The following PKHD1 variants were observed in gnomAD, a reference collection of about 807,000 sequenced individuals.
The protein encoded by PKHD1 is fibrocystin.
A neutral mutation model predicts 412.0 loss-of-function variants in PKHD1; 291 were observed. The ratio of observed to expected loss-of-function variants is 0.71; its 90% confidence interval spans 0.64 to 0.78. The LOEUF is 0.78. Among genes scored for constraint, PKHD1 ranks in the 30% least tolerant of loss-of-function variants. PKHD1 has a pLI of 0.00. For missense variants in PKHD1, 4,825 were observed against 4,950.7 expected (o/e 0.97, Z 0.76); for synonymous variants, 1,777 against 1,821.5 (o/e 0.98, Z 0.62).
intron 60 of PKHD1, among the ~76,000 whole-genome samples, chr6:51,723,799 C>G (rs1582289565): frequency 6.6e-6 from 1 of 151,982 alleles, no homozygotes; most frequent in Non-Finnish European, 1.5e-5. Flanking sequence ...GAGAGAAAGA[C>G]AGAGAGAGAG....
chr6:52,050,245 A>T lies in PKHD1; in HGVS notation c.2191T>A (p.Ser731Thr), dbSNP rs1438237194. 1.8e-5 allele frequency: 29 copies of T among 1,614,212 alleles called. No individual in the cohort carries two copies. The highest frequency in any genetic ancestry group is 2.4e-5 in the Non-Finnish European group (28 of 1,180,012). Reference protein sequence around the residue: ...TARPGGNLVESVSVVGSPPVY... With the variant: ...TARPGGNLVETVSVVGSPPVY... ...GGAGGGGATCCCACCACAGAGACTG[A>T]TTCCACCAGATTGCCCCCTGGGCGA... The change falls in exon 22 of 67, where the codon TCA becomes ACA. Residue 731 changes from serine to threonine, a missense_variant. By Grantham distance (58) the Ser-to-Thr change is moderately conservative. Coordinates refer to ENST00000371117, the MANE Select transcript of PKHD1 (RefSeq NM_138694.4).
intron 61 of PKHD1, among the ~76,000 whole-genome samples, chr6:51,656,397 GC>G (rs1237995269): frequency 6.6e-6 from 1 of 152,024 alleles, no homozygotes; most frequent in Non-Finnish European, 1.5e-5. Flanking sequence ...CGCATGTGGG[GC>G]TGAAAACCTA....
chr6:51,729,924 T>C (rs1227397598), intron 60 of PKHD1, among the ~76,000 whole-genome samples: 1 of 152,186 alleles, frequency 6.6e-6, no homozygotes, highest in African/African-American at 2.4e-5. Flanking sequence ...TGCTTACAAT[T>C]GCACATCTGG....
At chr6:51,650,311 C>T (rs1770732942) in intron 61 of PKHD1, among the ~76,000 whole-genome samples, 1 of 152,092 alleles carries the variant, frequency 6.6e-6, no homozygotes, top group Non-Finnish European at 1.5e-5. Flanking sequence ...TTGTGAATTA[C>T]ATATCATAGG....
chr6:51,746,146 A>G (rs1046792692), intron 59 of PKHD1, among the ~76,000 whole-genome samples: 1 of 152,172 alleles, frequency 6.6e-6, no homozygotes, highest in African/African-American at 2.4e-5. Context: ...AAACTCTTAG[A>G]TCATATGTCA....
intron 60 of PKHD1, among the ~76,000 whole-genome samples, chr6:51,682,473 A>T (rs1034881494): frequency 7.9e-5 from 12 of 152,100 alleles, no homozygotes; most frequent in Middle Eastern, 3.2e-3. Context: ...TAATTAGGTA[A>T]AAATATTTTC....
chr6:52,005,740 T>G (rs552109224), intron 35 of PKHD1, among the ~76,000 whole-genome samples: 15 of 152,090 alleles, frequency 9.9e-5, no homozygotes, highest in African/African-American at 3.4e-4. Context: ...CAGGCAAAGT[T>G]TAGGTAACAG....
At chr6:52,071,210 C>T in intron 8 of PKHD1, 140 bp from the exon 9 acceptor site, 1 of 708,250 alleles carries the variant, frequency 1.4e-6, no homozygotes, top group Non-Finnish European at 2.6e-6. Flanking sequence ...ATAATGAGTT[C>T]ATTAGGGCAA....
intron 35 of PKHD1, among the ~76,000 whole-genome samples, chr6:51,989,368 A>T (rs192319470): frequency 1.7e-3 from 266 of 152,342 alleles, no homozygotes; most frequent in Middle Eastern, 6.8e-3. Flanking sequence ...ATGAAATACA[A>T]TTCTGTTGGT....
rs2127947517 is a variant in PKHD1, at chr6:51,960,009, C to T, written c.5769G>A (p.Gln1923=). Residue 1923 remains glutamine, a synonymous_variant, in exon 36 of 67, where the codon CAG becomes CAA. Transcript: ENST00000371117. Reference sequence around the variant, plus strand: ...GAGTCCTGGACCATCTCCGGCAGAACTGTAAAGAAAAGTTGCCCTGGAAAA... The same window carrying T: ...GAGTCCTGGACCATCTCCGGCAGAATTGTAAAGAAAAGTTGCCCTGGAAAA... ...GQNTQGNFSL[Q]FCRRWSRTHS... is the part of the protein sequence containing the mutation. 1 of 1,613,358 alleles carries T rather than the reference C, an allele frequency of 6.2e-7. No homozygotes were observed.
chr6:51,760,813 T>A (rs1481473302), intron 55 of PKHD1, among the ~76,000 whole-genome samples: 1 of 152,104 alleles, frequency 6.6e-6, no homozygotes, highest in African/African-American at 2.4e-5. Context: ...AAGGATGAGG[T>A]AACAAATGAC....
At chr6:51,622,251 A>G (rs1029675711) in intron 66 of PKHD1, 1 of 152,210 alleles carries the variant, frequency 6.6e-6, no homozygotes, top group African/African-American at 2.4e-5. Flanking sequence ...GACTTTTAAA[A>G]TTTGTGTGGG....
chr6:51,619,005 C>G lies in PKHD1; in HGVS notation c.*76G>C. 1 of 1,355,896 alleles carries G rather than the reference C, an allele frequency of 7.4e-7. No homozygotes were observed. The highest frequency in any genetic ancestry group is 2.3e-5 in the East Asian group (1 of 43,666). 84.0% of individuals were successfully genotyped at this position (1,355,896 alleles called of 1,614,324 possible). On this transcript the variant is annotated 3_prime_UTR_variant, in exon 67 of 67. Coordinates refer to ENST00000371117, the MANE Select transcript of PKHD1 (RefSeq NM_138694.4). ...TCTTAGTTGTCCCAGCAGGACAGTC[C>G]TCACTTCCCCAGCTTATTATCCAGA...
chr6:51,894,611 C>T (rs1387798695), intron 43 of PKHD1, among the ~76,000 whole-genome samples: 4 of 152,184 alleles, frequency 2.6e-5, no homozygotes, highest in African/African-American at 9.7e-5. Context: ...TATAAAACCA[C>T]AAACCATTGC....
At chr6:52,031,569 G>T (rs1412531037) in intron 29 of PKHD1, among the ~76,000 whole-genome samples, 1 of 152,174 alleles carries the variant, frequency 6.6e-6, no homozygotes, top group Non-Finnish European at 1.5e-5. Context: ...GTTGAGCTGG[G>T]ATTCATGCAG....
In PKHD1 at chr6:51,659,903, G is replaced by T. The variant is rs1371496393; in HGVS notation, c.10223C>A (p.Thr3408Asn). The T allele has an allele frequency of 6.2e-7, 1 of 1,612,316 alleles. No homozygotes were observed. The highest frequency in any genetic ancestry group is 1.1e-5 in the South Asian group (1 of 91,044). The change falls in exon 61 of 67, where the codon ACT (threonine) becomes AAT (asparagine). Residue 3408 changes from threonine (T) to asparagine (N), a missense_variant. Transcript: ENST00000371117. ...FLMQGFICKQ[T>N]DQVVLILDSA... ...ATCAAGAATTAGGACCACTTGGTCA[G>T]TCTGTTTGCAGATGAATCCTTGCAT...
At chr6:51,625,837 T>C (rs573957269) in intron 66 of PKHD1, among the ~76,000 whole-genome samples, 2 of 152,106 alleles carry the variant, frequency 1.3e-5, no homozygotes, top group Non-Finnish European at 2.9e-5. Context: ...CATGCAATAA[T>C]ATGGTCAAGA....
intron 52 of PKHD1, among the ~76,000 whole-genome samples, chr6:51,811,963 G>T (rs1363347264): frequency 6.6e-6 from 1 of 152,096 alleles, no homozygotes; most frequent in East Asian, 1.9e-4. Flanking sequence ...CAAAGTTACA[G>T]AAGCCTAATA....
Position 52,028,283 on chromosome 6 carries a change from C to G in PKHD1, c.3433G>C (p.Val1145Leu). ...NYTDLDVEVH[V>L]QDALAPVHTQ... ...TGAACCGGAGCCAAGGCATCCTGGA[C>G]GTGGACTTCCACATCCAAATCCGTA... Residue 1145 changes from valine (V) to leucine (L), a missense_variant, in exon 30 of 67, where the codon GTC (valine) becomes CTC (leucine). Transcript: ENST00000371117. The G allele has an allele frequency of 6.2e-7, 1 of 1,614,070 alleles. No homozygotes were observed. The highest frequency in any genetic ancestry group is 8.5e-7 in the Non-Finnish European group (1 of 1,179,950).
Sources: allele counts gnomAD v4.1 joint callset (sites outside exome capture counted in the v4.1 genomes callset), GRCh38; gene constraint gnomAD v4.1.1; transcripts MANE v1.5; gene names NCBI Gene and HGNC (gene_info 2026-07-23, HGNC 2026-07-21).